Variants in FRY observed in about 807,000 individuals in gnomAD.
The protein encoded by FRY is FRY microtubule binding protein, also known as protein furry homolog.
FRY carries 128 observed loss-of-function variants against 348.4 expected under a neutral mutation model. The observed-to-expected ratio is 0.37, with a 90% CI of 0.32 to 0.43. FRY has a LOEUF of 0.43. Ranked by LOEUF, FRY falls within the 20% of genes least tolerant of loss-of-function variation. FRY has a pLI of 1.00. For missense variants in FRY, 2,736 were observed against 3,695.2 expected (o/e 0.74, Z 6.73); for synonymous variants, 1,370 against 1,374.7 (o/e 1.00, Z 0.08).
At position 32,254,275 on chromosome 13, in the gene FRY, T is replaced by C. The variant is rs1887227304; in HGVS notation, c.7297T>C (p.Leu2433=). 1 of 1,614,018 alleles carries C rather than the reference T, an allele frequency of 6.2e-7. No individual in the cohort carries two copies. Among genetic ancestry groups the C allele is most frequent in the African/African-American group, 1.3e-5 (1 of 75,000 alleles). ...GGATCTGCTTGAGCACCAGACAAGCTTGGTATCTTCTGAGGACGGTGCCCG... is the reference window on the plus strand; with the variant it reads ...GGATCTGCTTGAGCACCAGACAAGCCTGGTATCTTCTGAGGACGGTGCCCG... ...DLDLLEHQTS[L]VSSEDGAREQ... The change falls in exon 51 of 61, where the codon TTG becomes CTG. Residue 2433 remains leucine (L), a synonymous_variant. Coordinates refer to ENST00000542859, the MANE Select transcript of FRY (RefSeq NM_023037.3).
intron 23 of FRY, 116 bp from the exon 24 acceptor site, chr13:32,182,861 T>C (rs552573301): frequency 2.9e-6 from 2 of 698,486 alleles, no homozygotes; most frequent in South Asian, 3.3e-5. Context: ...GAGATTGTGA[T>C]GTCAGAAGCA....
intron 20 of FRY, among the ~76,000 whole-genome samples, chr13:32,175,951 A>G (rs571187663): frequency 1.3e-5 from 2 of 152,306 alleles, no homozygotes; most frequent in East Asian, 3.9e-4. Context: ...AACACTTAAT[A>G]TTGTACTTAA....
rs189398592 is a variant in FRY, at chr13:32,244,235, G to C, written c.6828+53G>C. ...AACCAGTCGTTCTAAAAAGATGGAG[G>C]CTTTTCCTGTAGCTTGGCTACAAAA... On this transcript the variant is annotated intron_variant, in intron 47 of 60. Transcript: ENST00000542859. 29 of 1,537,576 alleles carry C rather than the reference G, an allele frequency of 1.9e-5. No individual in the cohort carries two copies. The African/African-American group carries it at 3.4e-4, about 18-fold the overall frequency.
At chr13:32,211,442 G>A (rs1884679618) in intron 34 of FRY, among the ~76,000 whole-genome samples, 1 of 152,218 alleles carries the variant, frequency 6.6e-6, no homozygotes, top group Admixed American at 6.5e-5. Flanking sequence ...TTGGGCGACA[G>A]AGCAAGACTG....
intron 1 of FRY, chr13:32,061,084 TG>T: frequency 1.9e-6 from 1 of 532,992 alleles, no homozygotes; most frequent in Middle Eastern, 3.2e-4. Flanking sequence ...ACTGTTAGTT[TG>T]GGTTTCTTTT....
intron 46 of FRY, among the ~76,000 whole-genome samples, chr13:32,241,636 A>G (rs190022983): frequency 4.6e-5 from 7 of 152,342 alleles, no homozygotes; most frequent in Admixed American, 4.6e-4. Flanking sequence ...AGAATTTGTG[A>G]AGATTTTATT....
Position 32,244,124 on chromosome 13 carries a change from T to A in FRY, c.6770T>A (p.Val2257Asp). The part of the protein sequence containing the change: ...YSLLSYMDLS[V>D]VPVKQFNVEV... The stretch of plus-strand genomic sequence containing the variant: ...CTTCTCAGCTACATGGACCTTTCTG[T>A]CGTTCCTGTCAAACAGTTCAATGTG... Residue 2257 changes from valine to aspartate, a missense_variant, in exon 47 of 61, where the codon GTC becomes GAC. This residue lies in a region of FRY where 789 missense variants were observed against 996.2 expected (regional missense o/e 0.79). Transcript: ENST00000542859. The A allele has an allele frequency of 6.2e-7, 1 of 1,613,900 alleles. No homozygotes were observed. The highest frequency in any genetic ancestry group is 8.5e-7 in the Non-Finnish European group (1 of 1,179,762).
intron 14 of FRY, among the ~76,000 whole-genome samples, chr13:32,150,639 C>G (rs1316852900): frequency 2.0e-5 from 3 of 152,052 alleles, no homozygotes; most frequent in Non-Finnish European, 4.4e-5. Context: ...ATTACAAACT[C>G]TTAAGATAAA....
chr13:32,281,078 C>A (rs917539256), intron 58 of FRY, among the ~76,000 whole-genome samples: 1 of 152,142 alleles, frequency 6.6e-6, no homozygotes, highest in African/African-American at 2.4e-5. Context: ...CTCTCCCTCT[C>A]TTTTCTTATG....
At position 32,224,337 on chromosome 13, in the gene FRY, TG is replaced by T; in HGVS notation, c.4870del (p.Val1624LeufsTer21). On this transcript the variant is annotated frameshift_variant, in exon 37 of 61. Coordinates refer to ENST00000542859, the MANE Select transcript of FRY (RefSeq NM_023037.3). LOFTEE classifies it high-confidence loss of function. ...TGTACTGGAGGATGCTGGGCCCCCC[TG>T]GTTGACTATCTCCCGGAGACCATCA... ...MPCTGGCWAPLVDYLPETITP... is the reference protein window; with the variant it reads ...MPCTGGCWAPXVDYLPETITP... 1 of 1,613,996 alleles carries T rather than the reference TG, an allele frequency of 6.2e-7. No homozygotes were observed. The highest frequency in any genetic ancestry group is 8.5e-7 in the Non-Finnish European group (1 of 1,179,958).
chr13:32,165,431 C>T (rs953861013), intron 17 of FRY, among the ~76,000 whole-genome samples: 37 of 152,232 alleles, frequency 2.4e-4, no homozygotes, highest in Admixed American at 2.1e-3. Context: ...AGATATAGTT[C>T]GAACCACTGT....
rs576335684 is a variant in FRY, at chr13:32,243,356, A to G, written c.6688-686A>G. On this transcript the variant is annotated intron_variant, in intron 46 of 60. Coordinates refer to ENST00000542859, the MANE Select transcript of FRY (RefSeq NM_023037.3). ...CTTACAAAGCTTTCTTGTTTTGTGTATGTTTTTTGCCATTATAAATAATGC... is the reference window on the plus strand; with the variant it reads ...CTTACAAAGCTTTCTTGTTTTGTGTGTGTTTTTTGCCATTATAAATAATGC... Among the ~76,000 whole-genome samples the G allele has an allele frequency of 3.3e-5, 5 of 152,276 alleles. No homozygotes were observed. The South Asian group carries it at 6.2e-4, about 19-fold the overall frequency.
intron 29 of FRY, among the ~76,000 whole-genome samples, chr13:32,197,257 A>T (rs1430623902): frequency 2.0e-5 from 3 of 152,126 alleles, no homozygotes; most frequent in Non-Finnish European, 4.4e-5. Context: ...CTTTAAGTTA[A>T]CATTCTGTAA....
intron 3 of FRY, among the ~76,000 whole-genome samples, chr13:32,102,800 C>A (rs1360184902): frequency 6.6e-6 from 1 of 152,134 alleles, no homozygotes; most frequent in Non-Finnish European, 1.5e-5. Flanking sequence ...TGTGAAGTTT[C>A]CTAAACTTTT....
intron 1 of FRY, 129 bp downstream of exon 1, chr13:32,031,994 C>CT (rs200250808): frequency 0.5 from 315,966 of 628,104 alleles, 83,828 homozygotes; most frequent in South Asian, 0.57. Flanking sequence ...CTTTTCTTTT[C>CT]TTTTCTCTTT....
chr13:32,212,781 GATT>G (rs1221190197), intron 35 of FRY, among the ~76,000 whole-genome samples: 1 of 152,180 alleles, frequency 6.6e-6, no homozygotes, highest in African/African-American at 2.4e-5. Context: ...TATGAAACAT[GATT>G]ATTATTATTT....
At chr13:32,142,205 A>G (rs1260901268) in intron 11 of FRY, among the ~76,000 whole-genome samples, 1 of 152,212 alleles carries the variant, frequency 6.6e-6, no homozygotes, top group Non-Finnish European at 1.5e-5. Flanking sequence ...CAGCCTCCAC[A>G]TACTATTAAA....
intron 58 of FRY, among the ~76,000 whole-genome samples, chr13:32,287,164 CAAA>C (rs373301111): frequency 4.5e-5 from 5 of 110,988 alleles, no homozygotes; most frequent in Non-Finnish European, 5.5e-5. Flanking sequence ...GACTCCATCT[CAAA>C]AAAAAAAAAA....
In FRY at chr13:32,239,139, C is replaced by A. The variant is rs957506827; in HGVS notation, c.6419-113C>A. On this transcript the variant is annotated intron_variant, in intron 44 of 60. Transcript: ENST00000542859. The surrounding 1 kb of genome is among the most constrained non-coding windows in gnomAD (Gnocchi z 4.3). ...GTGTTAGATCATGTTTAAGCTGATT[C>A]AAAAAACTGCTTTTGCATCACCTCA... The A allele has an allele frequency of 3.9e-6, 3 of 760,340 alleles. No homozygotes were observed. Among genetic ancestry groups the A allele is most frequent in the African/African-American group, 3.4e-5 (2 of 58,522 alleles). The allele number at this position is 760,340 out of a possible 1,614,324, so 47.1% of individuals were successfully genotyped here.
Sources: allele counts gnomAD v4.1 joint callset (sites outside exome capture counted in the v4.1 genomes callset), GRCh38; gene constraint gnomAD v4.1.1; regional missense constraint gnomAD v4.1.1; non-coding constraint Gnocchi (gnomAD v3.1); transcripts MANE v1.5; gene names NCBI Gene and HGNC (gene_info 2026-07-23, HGNC 2026-07-21).